MCF2L: variants seen among roughly 807,000 people sequenced by gnomAD.
The protein encoded by MCF2L is MCF.2 cell line derived transforming sequence like.
Under a neutral mutation model 153.4 loss-of-function variants are expected in MCF2L, and 97 were observed. That is an observed-to-expected ratio of 0.63 (90% confidence interval 0.54 to 0.75). MCF2L has a LOEUF of 0.75. MCF2L is among the 30% of genes least tolerant of loss of function. MCF2L has a pLI of 0.00. For missense variants in MCF2L, 1,347 were observed against 1,495.2 expected (o/e 0.90, Z 1.64); for synonymous variants, 659 against 632.2 (o/e 1.04, Z -0.64).
chr13:113,033,700 G>A (rs569343680), intron 3 of MCF2L, among the ~76,000 whole-genome samples: 1 of 152,198 alleles, frequency 6.6e-6, no homozygotes, highest in African/African-American at 2.4e-5. Flanking sequence ...TGGCTGGCCT[G>A]AGGCTGTGCT....
chr13:113,003,374 G>T (rs968699566), intron 1 of MCF2L, among the ~76,000 whole-genome samples: 3 of 151,790 alleles, frequency 2.0e-5, no homozygotes, highest in African/African-American at 7.3e-5. Flanking sequence ...AGTAGGGGCA[G>T]GTGACCCCCT....
chr13:112,980,817 G>C (rs3011548), intron 1 of MCF2L, among the ~76,000 whole-genome samples: 1 of 152,188 alleles, frequency 6.6e-6, no homozygotes, highest in South Asian at 2.1e-4. Context: ...CCACAGCACC[G>C]TGTGAGGGAG....
intron 2 of MCF2L, among the ~76,000 whole-genome samples, chr13:112,928,136 T>A (rs1304530773): frequency 6.6e-6 from 1 of 152,222 alleles, no homozygotes; most frequent in East Asian, 1.9e-4. Flanking sequence ...ACTCTGCACG[T>A]GTTAACAGTT....
chr13:113,041,606 T>C (rs2086494816), intron 3 of MCF2L, among the ~76,000 whole-genome samples: 1 of 152,136 alleles, frequency 6.6e-6, no homozygotes, highest in African/African-American at 2.4e-5. Context: ...ACAGTCAGTA[T>C]GGGTAGAGGA....
Position 113,045,121 on chromosome 13 carries a change from G to GC in MCF2L, c.279-145dup. ...GGACTGCGGGGATGGGGCTGCCGGG[G>GC]CCCCCGTGTGCCATGCCTCTCACCT... On this transcript the variant is annotated intron_variant, in intron 3 of 29. Transcript: ENST00000535094. This position sits in a 1 kb window ranked among gnomAD's most constrained non-coding sequence, Gnocchi z 4.2. The GC allele has an allele frequency of 1.1e-6, 1 of 904,428 alleles. No homozygotes were observed. Among genetic ancestry groups the GC allele is most frequent in the Non-Finnish European group, 1.7e-6 (1 of 572,746 alleles). 56.0% of individuals were successfully genotyped at this position (904,428 alleles called of 1,614,324 possible).
In MCF2L at chr13:113,096,946, G is replaced by GCACCT; in HGVS notation, c.*92_*96dup. On this transcript the variant is annotated 3_prime_UTR_variant, in exon 30 of 30. Coordinates refer to ENST00000535094, the MANE Select transcript of MCF2L (RefSeq NM_001112732.3). ...GGCCCCCGGACGCCCCGAGGAAGGG[G>GCACCT]CACCTCACCGCCCCCACCCAGAGCG... 1.0e-6 allele frequency: 1 copy of GCACCT among 958,746 alleles called. No individual in the cohort carries two copies. The highest frequency in any genetic ancestry group is 1.4e-6 in the Non-Finnish European group (1 of 719,414). 59.4% of individuals were successfully genotyped at this position (958,746 alleles called of 1,614,324 possible).
At chr13:113,023,452 A>C (rs192604963) in intron 2 of MCF2L, among the ~76,000 whole-genome samples, 1 of 152,264 alleles carries the variant, frequency 6.6e-6, no homozygotes, top group East Asian at 1.9e-4. Context: ...AAGACCCAGA[A>C]GCAGAAGTTC....
intron 13 of MCF2L, among the ~76,000 whole-genome samples, chr13:113,077,686 A>G (rs1462365250): frequency 1.3e-5 from 2 of 152,130 alleles, no homozygotes; most frequent in African/African-American, 4.8e-5. Context: ...CGCGCACCTC[A>G]GTCCGGCGCG....
At chr13:113,048,186 A>G (rs1175656305) in intron 4 of MCF2L, among the ~76,000 whole-genome samples, 1 of 152,272 alleles carries the variant, frequency 6.6e-6, no homozygotes, top group Non-Finnish European at 1.5e-5. Context: ...GTGTGATCGG[A>G]TGAATTTCTT....
chr13:112,926,453 C>G (rs2081406336), intron 2 of MCF2L, among the ~76,000 whole-genome samples: 1 of 151,858 alleles, frequency 6.6e-6, no homozygotes, highest in African/African-American at 2.4e-5. Context: ...CAGCGGAGTA[C>G]TGTACGGCCT....
intron 1 of MCF2L, among the ~76,000 whole-genome samples, chr13:112,894,939 G>A (rs956274125): frequency 2.0e-5 from 2 of 101,642 alleles, no homozygotes; most frequent in East Asian, 4.0e-4. Context: ...CCTGGTGGCT[G>A]GGGACAGTGC....
intron 1 of MCF2L, 122 bp from the exon 2 acceptor site, chr13:113,014,641 C>T (rs2084390358): frequency 2.9e-6 from 2 of 697,532 alleles, no homozygotes; most frequent in Admixed American, 5.1e-5. Flanking sequence ...CTTTTTCCAG[C>T]CACGTGACGC....
At chr13:112,969,204 T>G (rs1330116275), upstream of MCF2L, 1 of 1,060,060 alleles carries the variant, frequency 9.4e-7, no homozygotes, top group Admixed American at 5.1e-5. The surrounding 1 kb of genome is among the most constrained non-coding windows in gnomAD (Gnocchi z 4.8). Flanking sequence ...CGCGCCCCCC[T>G]CCCGGTGGCG....
Position 113,074,425 on chromosome 13 carries a change from G to A in MCF2L, c.997-19G>A. The A allele has an allele frequency of 6.2e-7, 1 of 1,606,192 alleles. No homozygotes were observed. The highest frequency in any genetic ancestry group is 8.5e-7 in the Non-Finnish European group (1 of 1,173,460). On this transcript the variant is annotated intron_variant, in intron 9 of 29. Coordinates refer to ENST00000535094, the MANE Select transcript of MCF2L (RefSeq NM_001112732.3). This position sits in a 1 kb window ranked among gnomAD's most constrained non-coding sequence, Gnocchi z 4.2. Reference sequence around the variant, plus strand: ...GGTGAGGGAGACACCCCCCTGAGATGGGCCCTCCTCTGTTCCAGGTCAAAG... The same window carrying A: ...GGTGAGGGAGACACCCCCCTGAGATAGGCCCTCCTCTGTTCCAGGTCAAAG...
upstream of MCF2L, chr13:112,968,119 T>TCTTG (rs2081925017): frequency 4.6e-6 from 1 of 216,808 alleles, no homozygotes; most frequent in Admixed American, 6.2e-5. Flanking sequence ...TCTCTCTCTC[T>TCTTG]TTTAACTGAT....
intron 1 of MCF2L, among the ~76,000 whole-genome samples, chr13:112,975,429 G>A (rs2082180607): frequency 6.6e-6 from 1 of 152,198 alleles, no homozygotes; most frequent in South Asian, 2.1e-4. Context: ...GTGGTGCCTC[G>A]GTTTCCCCAT....
chr13:113,069,655 G>A (rs529105347), intron 8 of MCF2L, among the ~76,000 whole-genome samples: 96 of 152,210 alleles, frequency 6.3e-4, no homozygotes, highest in African/African-American at 2.2e-3. Flanking sequence ...GCTACGCGGA[G>A]GCAGAGGTTG....
intron 1 of MCF2L, among the ~76,000 whole-genome samples, chr13:113,011,710 T>C (rs2084128434): frequency 7.2e-6 from 1 of 139,014 alleles, no homozygotes; most frequent in African/African-American, 2.7e-5. Context: ...GACACCGTGA[T>C]GCGGACGGTG....
At chr13:112,973,768 A>G (rs918697331) in intron 1 of MCF2L, among the ~76,000 whole-genome samples, 1 of 152,076 alleles carries the variant, frequency 6.6e-6, no homozygotes, top group African/African-American at 2.4e-5. Context: ...CTTCAGGGAG[A>G]CCCGTGGCTC....
Sources: gnomAD v4.1 joint callset for allele counts (sites outside exome capture counted in the v4.1 genomes callset) on GRCh38, gnomAD v4.1.1 for gene constraint, Gnocchi (gnomAD v3.1) non-coding constraint, MANE v1.5 for transcripts, NCBI Gene and HGNC (gene_info 2026-07-23, HGNC 2026-07-21) for gene names.